NRG3: variants seen among roughly 807,000 people sequenced by gnomAD.
NRG3 encodes pro-neuregulin-3, membrane-bound isoform.
In NRG3, 31 loss-of-function variants were observed where a neutral mutation model predicts 66.9. The ratio of observed to expected loss-of-function variants is 0.46; its 90% CI spans 0.35 to 0.63. The LOEUF (loss-of-function observed/expected upper bound fraction) is 0.63. Among genes scored for constraint, NRG3 ranks in the 20% least tolerant of loss-of-function variants. NRG3 has a pLI of 0.00. For missense variants in NRG3, 910 were observed against 878.9 expected, an observed-to-expected ratio of 1.04 and a Z score of -0.45; for synonymous variants, 393 against 359.4, an observed-to-expected ratio of 1.09 and a Z score of -1.06.
chr10:82,403,088 T>C (rs1263838951), intron 2 of NRG3, among the ~76,000 whole-genome samples: 2 of 152,184 alleles, frequency 1.3e-5, no homozygotes, highest in Non-Finnish European at 2.9e-5. Context: ...AGACGTGACA[T>C]GCCTTCTTGT....
intron 2 of NRG3, among the ~76,000 whole-genome samples, chr10:82,579,790 T>C (rs1173974113): frequency 1.3e-5 from 2 of 151,990 alleles, no homozygotes; most frequent in African/African-American, 4.8e-5. Flanking sequence ...ATCTGTTCAT[T>C]CTGCATTTGT....
intron 1 of NRG3, among the ~76,000 whole-genome samples, chr10:82,129,140 T>C (rs1254602756): frequency 1.3e-5 from 2 of 152,022 alleles, no homozygotes; most frequent in Non-Finnish European, 2.9e-5. Context: ...CTCAAACTCC[T>C]GACCTCAGGT....
chr10:81,917,062 C>T (rs1196393035), intron 1 of NRG3, among the ~76,000 whole-genome samples: 6 of 152,104 alleles, frequency 3.9e-5, no homozygotes, highest in Admixed American at 2.0e-4. Flanking sequence ...TCAAATTAGA[C>T]AATACCATGG....
chr10:82,300,316 G>A (rs1398738202), intron 1 of NRG3, among the ~76,000 whole-genome samples: 2 of 152,250 alleles, frequency 1.3e-5, no homozygotes, highest in African/African-American at 4.8e-5. Context: ...CATTGTTGAA[G>A]CTAAAGTGAT....
At chr10:82,596,202 G>A (rs183544626) in intron 2 of NRG3, among the ~76,000 whole-genome samples, 5 of 152,226 alleles carry the variant, frequency 3.3e-5, no homozygotes, top group East Asian at 3.9e-4. Flanking sequence ...ACAAAGACCC[G>A]GTAGCCGCTT....
intron 1 of NRG3, among the ~76,000 whole-genome samples, chr10:81,915,955 C>A (rs2132811459): frequency 6.6e-6 from 1 of 151,990 alleles, no homozygotes; most frequent in South Asian, 2.1e-4. Context: ...CCATCTGTAA[C>A]CATATGAAAA....
intron 2 of NRG3, among the ~76,000 whole-genome samples, chr10:82,599,649 A>C (rs576535264): frequency 6.6e-6 from 1 of 152,220 alleles, no homozygotes; most frequent in East Asian, 1.9e-4. Context: ...CCCCGTCTCT[A>C]TTAAAAATAC....
Position 82,585,615 on chromosome 10 carries a change from G to T in NRG3, c.954-152962G>T, listed in dbSNP as rs556955318. ...CACTGCAGATTCTTAAATAGCCATT[G>T]CTGTACCAAATGAAATTCTATCTGA... On this transcript the variant is annotated intron_variant, in intron 2 of 8. Coordinates refer to ENST00000372141, the MANE Select transcript of NRG3 (RefSeq NM_001010848.4). Among the ~76,000 whole-genome samples, 5 of 152,214 alleles carry T rather than the reference G, an allele frequency of 3.3e-5. No individual in the cohort carries two copies. In the East Asian group the frequency reaches 7.7e-4, roughly 24 times the overall value.
At chr10:82,094,061 A>T (rs958779224) in intron 1 of NRG3, among the ~76,000 whole-genome samples, 36 of 152,190 alleles carry the variant, frequency 2.4e-4, no homozygotes, top group African/African-American at 8.7e-4. Context: ...GTATTATTAT[A>T]CTCACATTTA....
At chr10:82,710,028 T>G (rs1291280965) in intron 2 of NRG3, among the ~76,000 whole-genome samples, 2 of 152,192 alleles carry the variant, frequency 1.3e-5, no homozygotes, top group African/African-American at 4.8e-5. Flanking sequence ...AGACTTATAT[T>G]CCATTATATT....
At chr10:82,651,561 T>G (rs927928844) in intron 2 of NRG3, among the ~76,000 whole-genome samples, 6 of 152,228 alleles carry the variant, frequency 3.9e-5, no homozygotes, top group Non-Finnish European at 5.9e-5. Flanking sequence ...AACTGAGGAC[T>G]CCTTGGCAAT....
intron 1 of NRG3, among the ~76,000 whole-genome samples, chr10:82,219,511 T>C (rs1303543300): frequency 2.0e-5 from 3 of 151,804 alleles, no homozygotes; most frequent in African/African-American, 7.2e-5. Context: ...ATTTTGTGTT[T>C]CTTCTTGCAT....
chr10:82,317,940 A>ATT (rs112494361), intron 1 of NRG3, among the ~76,000 whole-genome samples: 8 of 145,776 alleles, frequency 5.5e-5, no homozygotes, highest in African/African-American at 1.7e-4. Flanking sequence ...GTGAATCTAC[A>ATT]TTTTTTTTTT....
rs1317557723 is a variant in NRG3, at chr10:82,132,525, GAT to G, written c.824-226205_824-226204del. The stretch of plus-strand genomic sequence containing the variant: ...TATATCATATATATATGATATATAT[GAT>G]ATATATATGATATATATATATCTTT... On this transcript the variant is annotated intron_variant, in intron 1 of 8. Coordinates refer to ENST00000372141, the MANE Select transcript of NRG3 (RefSeq NM_001010848.4). Among the ~76,000 whole-genome samples the G allele has an allele frequency of 2.2e-4, 12 of 54,752 alleles. 1 individual carries two copies. Among genetic ancestry groups the G allele is most frequent in the South Asian group, 6.2e-4 (1 of 1,618 alleles). The allele number at this position is 54,752 out of a possible 152,430, so 35.9% of individuals were successfully genotyped here.
chr10:82,697,853 G>A (rs1006035749), intron 2 of NRG3, among the ~76,000 whole-genome samples: 16 of 152,000 alleles, frequency 1.1e-4, no homozygotes, highest in African/African-American at 3.9e-4. Context: ...ATTGGCCTGC[G>A]TTTCTGGGAC....
intron 2 of NRG3, among the ~76,000 whole-genome samples, chr10:82,429,315 G>T (rs2089648268): frequency 6.6e-6 from 1 of 151,838 alleles, no homozygotes; most frequent in Non-Finnish European, 1.5e-5. Flanking sequence ...TTCTTCTTGT[G>T]GATTTGACTT....
chr10:82,490,552 G>C (rs1446489702), intron 2 of NRG3, among the ~76,000 whole-genome samples: 1 of 151,894 alleles, frequency 6.6e-6, no homozygotes, highest in African/African-American at 2.4e-5. Context: ...CATGACTTTG[G>C]TGAATTTATC....
At position 82,192,455 on chromosome 10, in the gene NRG3, T is replaced by C. The variant is rs1053583358; in HGVS notation, c.824-166284T>C. ...AGATATTGAAAGAGGGCTGCTGTGG[T>C]TCATTCTTTGCTGGAATTATCTAAA... On this transcript the variant is annotated intron_variant, in intron 1 of 8. Coordinates refer to ENST00000372141, the MANE Select transcript of NRG3 (RefSeq NM_001010848.4). 3.9e-5 allele frequency among the ~76,000 whole-genome samples: 6 copies of C among 152,140 alleles called. No homozygotes were observed. In the East Asian group the frequency reaches 9.6e-4, roughly 24 times the overall value.
chr10:82,585,574 G>A (rs901135948), intron 2 of NRG3, among the ~76,000 whole-genome samples: 1 of 152,058 alleles, frequency 6.6e-6, no homozygotes, highest in Admixed American at 6.6e-5. Context: ...TCCTCCTCAT[G>A]TGGGCCTGCC....
Sources: gnomAD v4.1 joint callset for allele counts (sites outside exome capture counted in the v4.1 genomes callset) on GRCh38, gnomAD v4.1.1 for gene constraint, MANE v1.5 for transcripts, NCBI Gene and HGNC (gene_info 2026-07-23, HGNC 2026-07-21) for gene names.